CSRNP3: variants seen among roughly 807,000 people sequenced by gnomAD.
CSRNP3 encodes cysteine and serine rich nuclear protein 3, also known as cysteine/serine-rich nuclear protein 3.
Under a neutral mutation model 48.0 loss-of-function variants are expected in CSRNP3, and 12 were observed. The observed-to-expected ratio is 0.25, with a 90% confidence interval of 0.16 to 0.41. The LOEUF (loss-of-function observed/expected upper bound fraction) is 0.41. Among genes scored for constraint, CSRNP3 ranks in the 10% least tolerant of loss-of-function variants. The probability of loss-of-function intolerance (pLI) is 1.00; values close to 1 mark genes in which losing one functional copy is unlikely to be tolerated. For synonymous variants in CSRNP3, 263 were observed against 269.7 expected (o/e 0.98, Z 0.24); for missense variants, 580 against 724.4 (o/e 0.80, Z 2.29).
chr2:165,640,127 T>C (rs1161896553), intron 4 of CSRNP3, among the ~76,000 whole-genome samples: 1 of 152,204 alleles, frequency 6.6e-6, no homozygotes, highest in African/African-American at 2.4e-5. Context: ...TATAAATGAT[T>C]TATGTGAATT....
chr2:165,623,496 C>G (rs926816925), intron 4 of CSRNP3, among the ~76,000 whole-genome samples: 5 of 152,092 alleles, frequency 3.3e-5, no homozygotes, highest in Non-Finnish European at 7.3e-5. Flanking sequence ...GTCCCTGGTG[C>G]CAAAAAGGTT....
intron 5 of CSRNP3, among the ~76,000 whole-genome samples, chr2:165,670,098 A>G (rs767636226): frequency 6.6e-6 from 1 of 152,230 alleles, no homozygotes; most frequent in Admixed American, 6.5e-5. Flanking sequence ...GATAATTTAT[A>G]GGTCAATGAC....
chr2:165,490,016 T>C (rs917417629), intron 1 of CSRNP3, among the ~76,000 whole-genome samples: 4 of 152,106 alleles, frequency 2.6e-5, no homozygotes, highest in African/African-American at 9.7e-5. Flanking sequence ...TTGTCCCTGT[T>C]TGCAGATGAC....
intron 3 of CSRNP3, among the ~76,000 whole-genome samples, chr2:165,529,249 G>A (rs976371013): frequency 2.6e-5 from 4 of 152,186 alleles, no homozygotes; most frequent in African/African-American, 9.7e-5. Context: ...GGGGCCAGGG[G>A]CGAAATGATG....
chr2:165,588,677 A>G (rs1489096364), intron 3 of CSRNP3, among the ~76,000 whole-genome samples: 1 of 152,266 alleles, frequency 6.6e-6, no homozygotes, highest in East Asian at 1.9e-4. Flanking sequence ...CTTTAGGGCC[A>G]GGCGTGGTGG....
chr2:165,670,850 T>G (rs1200497847), intron 5 of CSRNP3, among the ~76,000 whole-genome samples: 1 of 17,586 alleles, frequency 5.7e-5, no homozygotes, highest in African/African-American at 9.8e-5. Flanking sequence ...TTAAATCACA[T>G]TTTTTGCAGA....
chr2:165,540,784 A>G (rs1466886685), intron 3 of CSRNP3, among the ~76,000 whole-genome samples: 2 of 152,056 alleles, frequency 1.3e-5, no homozygotes, highest in Non-Finnish European at 2.9e-5. Context: ...CTAGAGGGGT[A>G]ATTCACCTGC....
intron 4 of CSRNP3, among the ~76,000 whole-genome samples, chr2:165,611,255 C>G (rs1181717953): frequency 6.6e-6 from 1 of 152,044 alleles, no homozygotes; most frequent in Non-Finnish European, 1.5e-5. Flanking sequence ...GTGCTTGGCT[C>G]AGGCATGTAG....
rs1687565107 is a variant in CSRNP3 at position 165,682,584 on chromosome 2, G to A, written c.*2831G>A. On this transcript the variant is annotated 3_prime_UTR_variant, in exon 7 of 7. Coordinates refer to ENST00000651982, the MANE Select transcript of CSRNP3 (RefSeq NM_001172173.2). ...ATCTAAAAAAATGTGGTTTAGAAAAGAGGATAATTGGTAGAGCTGTAGTTT... is the reference window on the plus strand; with the variant it reads ...ATCTAAAAAAATGTGGTTTAGAAAAAAGGATAATTGGTAGAGCTGTAGTTT... The A allele has an allele frequency of 1.3e-5, 2 of 152,142 alleles. No individual in the cohort carries two copies. Among genetic ancestry groups the A allele is most frequent in the African/African-American group, 4.8e-5 (2 of 41,452 alleles). 9.4% of individuals were successfully genotyped at this position (152,142 alleles called of 1,614,324 possible).
chr2:165,603,138 G>T (rs375274330), intron 4 of CSRNP3, among the ~76,000 whole-genome samples: 1 of 151,804 alleles, frequency 6.6e-6, no homozygotes, highest in African/African-American at 2.4e-5. Context: ...CTCATGATCC[G>T]CCCGCCTCGG....
intron 2 of CSRNP3, among the ~76,000 whole-genome samples, chr2:165,514,466 AG>A (rs1322789507): frequency 6.6e-6 from 1 of 152,260 alleles, no homozygotes; most frequent in African/African-American, 2.4e-5. Flanking sequence ...AAGTTGCCTC[AG>A]GGTGAGCGCT....
At chr2:165,643,829 A>T (rs17199148) in intron 4 of CSRNP3, among the ~76,000 whole-genome samples, 3,955 of 152,280 alleles carry the variant, frequency 0.026, 66 homozygotes, top group Non-Finnish European at 0.041. Context: ...CTTAGAACAC[A>T]TGCCTGTATA....
intron 4 of CSRNP3, among the ~76,000 whole-genome samples, chr2:165,616,984 A>C (rs1686256792): frequency 6.6e-6 from 1 of 151,920 alleles, no homozygotes; most frequent in Admixed American, 6.6e-5. Flanking sequence ...TTATTCATTG[A>C]ATTCTTCAGT....
intron 4 of CSRNP3, among the ~76,000 whole-genome samples, chr2:165,618,013 T>G (rs1192660350): frequency 1.3e-5 from 2 of 152,244 alleles, no homozygotes; most frequent in Non-Finnish European, 2.9e-5. Context: ...TGGCTCTGCT[T>G]TTAAAATGGT....
intron 3 of CSRNP3, among the ~76,000 whole-genome samples, chr2:165,564,627 G>A (rs183137198): frequency 4.3e-4 from 65 of 151,592 alleles, no homozygotes; most frequent in African/African-American, 1.2e-3. Context: ...TACCTATTAG[G>A]TGTCATCGTA....
chr2:165,679,712 G>C lies in CSRNP3; in HGVS notation c.1717G>C (p.Glu573Gln). 6.2e-7 allele frequency: 1 copy of C among 1,614,032 alleles called. No homozygotes were observed. Among genetic ancestry groups the C allele is most frequent in the Non-Finnish European group, 8.5e-7 (1 of 1,179,966 alleles). Residue 573 changes from glutamate (E) to glutamine (Q), a missense_variant, in exon 7 of 7, where the codon GAG becomes CAG. Physicochemically the swap from Glu to Gln is conservative, Grantham distance 29 (BLOSUM62 2). Coordinates refer to ENST00000651982, the MANE Select transcript of CSRNP3 (RefSeq NM_001172173.2). ...SLAEKSILHEECIKSPVVETV... is the reference protein window; with the variant it reads ...SLAEKSILHEQCIKSPVVETV... The stretch of plus-strand genomic sequence containing the variant: ...TGCAGAAAAGAGCATATTGCATGAA[G>C]AGTGCATCAAATCACCCGTGGTTGA...
At chr2:165,629,793 CTAT>C (rs1686501390) in intron 4 of CSRNP3, among the ~76,000 whole-genome samples, 1 of 152,288 alleles carries the variant, frequency 6.6e-6, no homozygotes, top group African/African-American at 2.4e-5. Flanking sequence ...AGCATTAATC[CTAT>C]TTGATCTCCC....
intron 3 of CSRNP3, among the ~76,000 whole-genome samples, chr2:165,546,746 T>TA (rs1350131734): frequency 1.4e-4 from 22 of 152,354 alleles, no homozygotes; most frequent in Non-Finnish European, 1.9e-4. Context: ...AAATAATAGA[T>TA]ACATATCTTT....
intron 3 of CSRNP3, among the ~76,000 whole-genome samples, chr2:165,533,015 T>C (rs1015863782): frequency 1.3e-5 from 2 of 151,974 alleles, no homozygotes; most frequent in African/African-American, 4.8e-5. Context: ...GATGTGAAAA[T>C]TCTTATTTTC....
Sources: gnomAD v4.1 joint callset for allele counts (sites outside exome capture counted in the v4.1 genomes callset) on GRCh38, gnomAD v4.1.1 for gene constraint, MANE v1.5 for transcripts, NCBI Gene and HGNC (gene_info 2026-07-23, HGNC 2026-07-21) for gene names.